Variants in COMMD1 observed in about 807,000 individuals in gnomAD.
COMMD1 encodes copper metabolism domain containing 1.
COMMD1 carries 10 observed loss-of-function variants against 17.2 expected under a neutral mutation model. That is an observed-to-expected ratio of 0.58 (90% CI 0.36 to 0.99). COMMD1 has a LOEUF of 0.99. Ranked by LOEUF, COMMD1 falls within the 50% of genes least tolerant of loss-of-function variation. COMMD1 has a pLI of 0.01. For missense variants in COMMD1, 270 were observed against 231.8 expected, an observed-to-expected ratio of 1.17 and a Z score of -1.07; for synonymous variants, 97 against 91.6, an observed-to-expected ratio of 1.06 and a Z score of -0.34.
At chr2:62,029,798 T>C (rs1669864676) in intron 2 of COMMD1, among the ~76,000 whole-genome samples, 1 of 152,258 alleles carries the variant, frequency 6.6e-6, no homozygotes, top group South Asian at 2.1e-4. Flanking sequence ...GATAATTTTT[T>C]TGTTGTAGAA....
At chr2:61,958,908 C>T (rs1671267201) in intron 1 of COMMD1, among the ~76,000 whole-genome samples, 1 of 152,096 alleles carries the variant, frequency 6.6e-6, no homozygotes, top group Admixed American at 6.6e-5. Context: ...ACAGTTTTTG[C>T]ATCTGTTGAG....
intron 2 of COMMD1, among the ~76,000 whole-genome samples, chr2:62,132,937 C>G (rs1673085397): frequency 6.6e-6 from 1 of 152,162 alleles, no homozygotes; most frequent in East Asian, 1.9e-4. Flanking sequence ...TGAATTTTGC[C>G]AACTGAACTG....
intron 2 of COMMD1, among the ~76,000 whole-genome samples, chr2:62,054,700 G>C (rs567860321): frequency 3.0e-4 from 45 of 152,270 alleles, no homozygotes; most frequent in African/African-American, 1.0e-3. Flanking sequence ...TGGAGACCTG[G>C]AAGGGAAAGG....
chr2:61,971,192 T>C (rs1050388170), intron 1 of COMMD1, among the ~76,000 whole-genome samples: 2 of 152,252 alleles, frequency 1.3e-5, no homozygotes, highest in African/African-American at 2.4e-5. Flanking sequence ...ATTTTACTTC[T>C]GCGCAGAGGG....
At chr2:61,994,448 AAGAC>A (rs1433328888) in intron 1 of COMMD1, among the ~76,000 whole-genome samples, 5 of 152,164 alleles carry the variant, frequency 3.3e-5, no homozygotes, top group Admixed American at 6.5e-5. Flanking sequence ...GAAGAAATGA[AAGAC>A]AGCTTGTTTT....
intron 2 of COMMD1, among the ~76,000 whole-genome samples, chr2:62,024,965 G>A (rs1248152670): frequency 1.3e-5 from 2 of 152,134 alleles, no homozygotes; most frequent in Admixed American, 6.5e-5. Context: ...GGTGGCTCAC[G>A]CCTGTAATAC....
chr2:61,953,286 T>G (rs1454685523), intron 1 of COMMD1, among the ~76,000 whole-genome samples: 1 of 152,144 alleles, frequency 6.6e-6, no homozygotes, highest in Non-Finnish European at 1.5e-5. Flanking sequence ...CTGCTGGGAT[T>G]ACAGGTGTGA....
chr2:62,035,897 A>G (rs753731692), intron 2 of COMMD1, among the ~76,000 whole-genome samples: 65 of 151,874 alleles, frequency 4.3e-4, no homozygotes, highest in Non-Finnish European at 8.1e-4. Context: ...AAAAAAAAAT[A>G]CAAAAAATTA....
chr2:62,089,606 G>A (rs984678075), intron 2 of COMMD1, among the ~76,000 whole-genome samples: 2 of 152,116 alleles, frequency 1.3e-5, no homozygotes, highest in Non-Finnish European at 2.9e-5. Flanking sequence ...TCAAGATATG[G>A]CAGGGAAACA....
chr2:61,890,776 G>C (rs1207850346), intron 1 of COMMD1, among the ~76,000 whole-genome samples: 1 of 148,318 alleles, frequency 6.7e-6, no homozygotes, highest in Non-Finnish European at 1.5e-5. Flanking sequence ...GCAGTGAGCC[G>C]AGATTGCGCC....
intron 1 of COMMD1, among the ~76,000 whole-genome samples, chr2:61,891,403 C>CATT (rs754043110): frequency 6.6e-6 from 1 of 152,156 alleles, no homozygotes. Context: ...TGTTAATGTA[C>CATT]ATTATTTCTC....
At position 62,136,049 on chromosome 2, in the gene COMMD1, G is replaced by T. The variant is rs574375394; in HGVS notation, c.*108G>T. 2.1e-5 allele frequency: 15 copies of T among 712,046 alleles called. No individual in the cohort carries two copies. The highest frequency in any genetic ancestry group is 1.9e-4 in the South Asian group (13 of 68,632). The allele number at this position is 712,046 out of a possible 1,614,324, so 44.1% of individuals were successfully genotyped here. On this transcript the variant is annotated 3_prime_UTR_variant, in exon 3 of 3. Coordinates refer to ENST00000311832, the MANE Select transcript of COMMD1 (RefSeq NM_152516.4). ...GTGCCCGCATTGGTATTAAATCCTC[G>T]CATTCAGTCTTCCTGCCTCTACTTG...
At chr2:61,990,767 T>C (rs1334603551) in intron 1 of COMMD1, among the ~76,000 whole-genome samples, 1 of 151,650 alleles carries the variant, frequency 6.6e-6, no homozygotes, top group Non-Finnish European at 1.5e-5. Context: ...CCCGCCCCCA[T>C]GAATCAGTTA....
chr2:61,893,530 C>T (rs7558608), intron 1 of COMMD1, among the ~76,000 whole-genome samples: 45,241 of 150,192 alleles, frequency 0.3, 7,091 homozygotes, highest in South Asian at 0.34. Context: ...ACAAGAGTTA[C>T]AGGCCGGGCG....
intron 1 of COMMD1, among the ~76,000 whole-genome samples, chr2:61,948,040 A>G (rs909574440): frequency 1.3e-5 from 2 of 152,190 alleles, no homozygotes; most frequent in Non-Finnish European, 2.9e-5. Context: ...TCAATAAAGT[A>G]TACATATAAA....
intron 1 of COMMD1, among the ~76,000 whole-genome samples, chr2:61,959,660 A>G (rs1422532461): frequency 1.3e-5 from 2 of 152,210 alleles, no homozygotes; most frequent in East Asian, 1.9e-4. Flanking sequence ...CATATTACCC[A>G]TAATCCACAT....
intron 2 of COMMD1, among the ~76,000 whole-genome samples, chr2:62,040,137 C>A (rs1176133382): frequency 2.0e-5 from 3 of 152,140 alleles, no homozygotes; most frequent in Admixed American, 6.5e-5. Flanking sequence ...CCTGTAGTCC[C>A]AGCTACTTGG....
At chr2:62,003,007 T>C (rs1038080246) in intron 2 of COMMD1, among the ~76,000 whole-genome samples, 1 of 151,106 alleles carries the variant, frequency 6.6e-6, no homozygotes, top group African/African-American at 2.4e-5. Flanking sequence ...CTGAGGCAGG[T>C]GTATCATCTG....
chr2:62,117,799 C>G (rs1321301440), intron 2 of COMMD1, among the ~76,000 whole-genome samples: 1 of 152,176 alleles, frequency 6.6e-6, no homozygotes, highest in African/African-American at 2.4e-5. Flanking sequence ...TCTCCTACTT[C>G]TGTCTTCCAT....
Sources: gnomAD v4.1 joint callset for allele counts (sites outside exome capture counted in the v4.1 genomes callset) on GRCh38, gnomAD v4.1.1 for gene constraint, MANE v1.5 for transcripts, NCBI Gene and HGNC (gene_info 2026-07-23, HGNC 2026-07-21) for gene names.